The following NTM variants were observed in gnomAD, a reference collection of about 807,000 sequenced individuals.
The protein encoded by NTM is neurotrimin, also known as IgLON family member 2.
In NTM, 13 loss-of-function variants were observed where a neutral mutation model predicts 42.1. The observed-to-expected ratio is 0.31, with a 90% CI of 0.20 to 0.49. The LOEUF (loss-of-function observed/expected upper bound fraction) is 0.49. NTM is among the 20% of genes least tolerant of loss of function. The pLI, the probability that NTM is intolerant of heterozygous loss-of-function variation, is 0.99. For synonymous variants in NTM, 187 were observed against 179.2 expected (o/e 1.04, Z -0.35); for missense variants, 373 against 452.8 (o/e 0.82, Z 1.60).
At chr11:131,563,579 CTTTTTT>C (rs71911433) in intron 1 of NTM, among the ~76,000 whole-genome samples, 53 of 88,772 alleles carry the variant, frequency 6.0e-4, no homozygotes, top group Middle Eastern at 8.9e-3. Flanking sequence ...GCTCCAGACA[CTTTTTT>C]TTTTTTTTTT....
chr11:131,978,631 C>T (rs756976843), intron 2 of NTM, among the ~76,000 whole-genome samples: 1 of 152,094 alleles, frequency 6.6e-6, no homozygotes, highest in Non-Finnish European at 1.5e-5. Flanking sequence ...GCAGCAGTAA[C>T]CTAAGGCTCT....
chr11:131,493,449 A>T (rs114561793), intron 1 of NTM, among the ~76,000 whole-genome samples: 4,677 of 152,244 alleles, frequency 0.031, 245 homozygotes, highest in African/African-American at 0.11. Flanking sequence ...CAGGTGATCC[A>T]GGTTGCAGCT....
chr11:132,023,054 A>G lies in NTM; in HGVS notation c.167+111406A>G, dbSNP rs562042646. Among the ~76,000 whole-genome samples the G allele has an allele frequency of 1.2e-3, 177 of 152,308 alleles. 1 individual carries two copies. The highest frequency in any genetic ancestry group is 4.0e-3 in the African/African-American group (166 of 41,568). On this transcript the variant is annotated intron_variant, in intron 2 of 8. Transcript: ENST00000683400. ...GCTCATGGGAAGATGTTAAAAAAAT[A>G]CTATAGAGAATACAAGGAGGACCTG...
chr11:131,873,980 T>C (rs1356844432), intron 1 of NTM, among the ~76,000 whole-genome samples: 2 of 104,256 alleles, frequency 1.9e-5, no homozygotes, highest in Non-Finnish European at 4.3e-5. Flanking sequence ...TTATATATTA[T>C]ATATTATATA....
chr11:131,630,714 G>A (rs2063568611), intron 1 of NTM, among the ~76,000 whole-genome samples: 2 of 152,086 alleles, frequency 1.3e-5, no homozygotes, highest in African/African-American at 2.4e-5. Flanking sequence ...TCCCTCCCAG[G>A]TCAAATCATG....
intron 1 of NTM, among the ~76,000 whole-genome samples, chr11:131,910,512 C>A (rs868575225): frequency 7.9e-5 from 12 of 151,468 alleles, no homozygotes; most frequent in Middle Eastern, 3.2e-3. Flanking sequence ...GCAGTCCGCG[C>A]CGCCAGCCCG....
chr11:132,073,473 G>T (rs1385871376), intron 2 of NTM, among the ~76,000 whole-genome samples: 2 of 152,138 alleles, frequency 1.3e-5, no homozygotes, highest in Non-Finnish European at 2.9e-5. Flanking sequence ...CTTTGTAAAT[G>T]GCAAGCTATG....
chr11:132,306,425 C>T (rs1227928371), intron 4 of NTM: 3 of 152,204 alleles, frequency 2.0e-5, no homozygotes, highest in African/African-American at 7.2e-5. Context: ...CCCCCTGAAG[C>T]TGTGCCTCCA....
chr11:131,874,034 TATATATA>T, intron 1 of NTM, among the ~76,000 whole-genome samples: 1 of 25,506 alleles, frequency 3.9e-5, no homozygotes, highest in East Asian at 1.2e-3. Flanking sequence ...TAATATAATA[TATATATA>T]TATATATATA....
chr11:131,638,286 G>A (rs980522593), intron 1 of NTM, among the ~76,000 whole-genome samples: 2 of 152,120 alleles, frequency 1.3e-5, no homozygotes, highest in Non-Finnish European at 2.9e-5. Flanking sequence ...TAACAAGGAG[G>A]CAGGGTGTGG....
At chr11:131,558,629 GC>G (rs1449831770) in intron 1 of NTM, among the ~76,000 whole-genome samples, 1 of 152,160 alleles carries the variant, frequency 6.6e-6, no homozygotes, top group Non-Finnish European at 1.5e-5. Context: ...ACTATTCTTT[GC>G]TAATGGGGTT....
At chr11:131,511,309 G>A (rs562420967) in intron 1 of NTM, among the ~76,000 whole-genome samples, 196 of 152,314 alleles carry the variant, frequency 1.3e-3, no homozygotes, top group African/African-American at 4.5e-3. Context: ...AGCCCAGCAG[G>A]TAAGGCTGGG....
chr11:131,709,183 G>T (rs1230829426), intron 1 of NTM, among the ~76,000 whole-genome samples: 1 of 152,166 alleles, frequency 6.6e-6, no homozygotes, highest in Non-Finnish European at 1.5e-5. Context: ...AGGTGGGGAG[G>T]AGGGGAAGAG....
intron 1 of NTM, among the ~76,000 whole-genome samples, chr11:131,670,974 C>T (rs1254460549): frequency 6.6e-6 from 1 of 152,154 alleles, no homozygotes; most frequent in Non-Finnish European, 1.5e-5. Context: ...AACAGACGTC[C>T]TTCCCTCTGC....
intron 4 of NTM, among the ~76,000 whole-genome samples, chr11:132,303,002 C>G (rs145692170): frequency 7.0e-4 from 106 of 152,308 alleles, no homozygotes; most frequent in Non-Finnish European, 1.2e-3. Flanking sequence ...AGCAACTACT[C>G]TAGTGAATTC....
At chr11:131,491,487 A>G (rs563829681) in intron 1 of NTM, among the ~76,000 whole-genome samples, 1 of 152,244 alleles carries the variant, frequency 6.6e-6, no homozygotes, top group East Asian at 1.9e-4. Context: ...ACCTAATTTT[A>G]TATTTGTAAT....
At chr11:132,299,951 A>G (rs988013246) in intron 4 of NTM, among the ~76,000 whole-genome samples, 2 of 151,994 alleles carry the variant, frequency 1.3e-5, no homozygotes, top group Non-Finnish European at 2.9e-5. Flanking sequence ...ATATCCTTTT[A>G]TTTTTAGTTC....
At chr11:132,233,590 T>C (rs1208982542) in intron 4 of NTM, among the ~76,000 whole-genome samples, 3 of 152,250 alleles carry the variant, frequency 2.0e-5, no homozygotes, top group Non-Finnish European at 4.4e-5. Context: ...TAAAGTGTCA[T>C]TGTCTCTAAA....
chr11:131,715,037 C>A (rs916498971), intron 1 of NTM, among the ~76,000 whole-genome samples: 2 of 152,158 alleles, frequency 1.3e-5, no homozygotes, highest in Non-Finnish European at 2.9e-5. Context: ...TGAAATTGTG[C>A]TTGGTGCTCC....
Sources: allele counts gnomAD v4.1 joint callset (sites outside exome capture counted in the v4.1 genomes callset), GRCh38; gene constraint gnomAD v4.1.1; transcripts MANE v1.5; gene names NCBI Gene and HGNC (gene_info 2026-07-23, HGNC 2026-07-21).